SLIT3: variants seen among roughly 807,000 people sequenced by gnomAD.
The protein encoded by SLIT3 is slit guidance ligand 3.
SLIT3 carries 68 observed loss-of-function variants against 184.0 expected under a neutral mutation model. That is an observed-to-expected ratio of 0.37 (90% confidence interval 0.30 to 0.45). SLIT3 has a LOEUF of 0.45. SLIT3 is among the 20% of genes least tolerant of loss of function. The pLI is 1.00. For synonymous variants in SLIT3, 831 were observed against 828.6 expected, an observed-to-expected ratio of 1.00 and a Z score of -0.05; for missense variants, 1,707 against 2,026.0, an observed-to-expected ratio of 0.84 and a Z score of 3.02.
chr5:169,071,027 C>A lies in SLIT3; in HGVS notation c.413+122452G>T, dbSNP rs188847200. 3.9e-3 allele frequency among the ~76,000 whole-genome samples: 594 copies of A among 152,206 alleles called. 4 individuals are homozygous for A. Among genetic ancestry groups the A allele is most frequent in the African/African-American group, 0.014 (570 of 41,524 alleles). On this transcript the variant is annotated intron_variant, in intron 4 of 35. Transcript: ENST00000519560. ...GCTTCCCCACCTCCTAGCTGTGGGACCTTGGGCAGGTACTCAAACCTGCCT... is the reference window on the plus strand; with the variant it reads ...GCTTCCCCACCTCCTAGCTGTGGGAACTTGGGCAGGTACTCAAACCTGCCT...
chr5:168,988,780 C>CG lies in SLIT3; in HGVS notation c.414-105445_414-105444insC, dbSNP rs1755219245. 5.9e-5 allele frequency among the ~76,000 whole-genome samples: 9 copies of CG among 152,276 alleles called. No homozygotes were observed. In the South Asian group the frequency reaches 1.7e-3, roughly 28 times the overall value. On this transcript the variant is annotated intron_variant, in intron 4 of 35. Coordinates refer to ENST00000519560, the MANE Select transcript of SLIT3 (RefSeq NM_003062.4). ...AGGAGAATCAACTAGGAGACCCCCCCCCAGGGGCAGGCAGCACTAGAATTG... is the reference window on the plus strand; with the variant it reads ...AGGAGAATCAACTAGGAGACCCCCCCGCCAGGGGCAGGCAGCACTAGAATTG...
chr5:168,683,764 C>T (rs1761661779), intron 32 of SLIT3, among the ~76,000 whole-genome samples: 1 of 152,184 alleles, frequency 6.6e-6, no homozygotes, highest in East Asian at 1.9e-4. Flanking sequence ...GCCTGCCTTC[C>T]TCTGCCTCTT....
chr5:168,856,137 A>G (rs1030157529), intron 5 of SLIT3, among the ~76,000 whole-genome samples: 1 of 152,166 alleles, frequency 6.6e-6, no homozygotes, highest in East Asian at 1.9e-4. Flanking sequence ...AAAGAAATAG[A>G]TAAAAGTGAT....
intron 4 of SLIT3, among the ~76,000 whole-genome samples, chr5:168,984,725 A>G (rs921543574): frequency 6.6e-6 from 1 of 152,206 alleles, no homozygotes; most frequent in Admixed American, 6.5e-5. Flanking sequence ...TTAGAGGCAA[A>G]CAAATGTAAT....
At chr5:169,156,411 A>G (rs185663194) in intron 4 of SLIT3, among the ~76,000 whole-genome samples, 2 of 152,306 alleles carry the variant, frequency 1.3e-5, no homozygotes, top group East Asian at 1.9e-4. Flanking sequence ...CTCACCCCCA[A>G]TGGCTAATTT....
intron 4 of SLIT3, among the ~76,000 whole-genome samples, chr5:169,109,638 G>A (rs1760340822): frequency 6.6e-6 from 1 of 152,212 alleles, no homozygotes; most frequent in Non-Finnish European, 1.5e-5. Flanking sequence ...CTCTCTGGAA[G>A]AACAAAACTA....
intron 4 of SLIT3, among the ~76,000 whole-genome samples, chr5:169,022,433 G>C (rs1230813505): frequency 6.6e-6 from 1 of 152,200 alleles, no homozygotes; most frequent in Admixed American, 6.5e-5. Flanking sequence ...GGGATTATTT[G>C]CAAGTGCCTG....
rs60588036 is a variant in SLIT3, at chr5:168,972,337, A to ATGTGTGTGTG, written c.414-89011_414-89002dup. On this transcript the variant is annotated intron_variant, in intron 4 of 35. Transcript: ENST00000519560. ...TGTTGATGGCTAGCTGCAGGACAAC[A>ATGTGTGTGTG]TGTGTGTGTGTGTGTGTGTGTGTGT... Among the ~76,000 whole-genome samples the ATGTGTGTGTG allele has an allele frequency of 7.6e-3, 901 of 118,316 alleles. 32 individuals carry two copies. The highest frequency in any genetic ancestry group is 0.028 in the East Asian group (113 of 4,068). 77.6% of individuals were successfully genotyped at this position (118,316 alleles called of 152,430 possible).
At chr5:168,778,285 G>A (rs1183489233) in intron 12 of SLIT3, among the ~76,000 whole-genome samples, 1 of 152,228 alleles carries the variant, frequency 6.6e-6, no homozygotes, top group Non-Finnish European at 1.5e-5. Flanking sequence ...TCAGAGTGGT[G>A]ACGGACTCAA....
intron 3 of SLIT3, among the ~76,000 whole-genome samples, chr5:169,234,736 A>G (rs1765134377): frequency 2.0e-5 from 3 of 152,244 alleles, no homozygotes; most frequent in East Asian, 3.9e-4. Flanking sequence ...GACTCCTTAG[A>G]AAGTGTCCAT....
At chr5:169,047,413 C>A (rs1757661855) in intron 4 of SLIT3, among the ~76,000 whole-genome samples, 1 of 152,180 alleles carries the variant, frequency 6.6e-6, no homozygotes, top group Non-Finnish European at 1.5e-5. Flanking sequence ...TACCCGCTGT[C>A]CTAACACAGG....
intron 4 of SLIT3, among the ~76,000 whole-genome samples, chr5:168,891,094 A>G (rs546871866): frequency 4.6e-5 from 7 of 152,366 alleles, no homozygotes; most frequent in African/African-American, 1.7e-4. Context: ...TATGCAGTAT[A>G]TAATGCAAAT....
At chr5:169,165,303 C>G (rs956335376) in intron 4 of SLIT3, among the ~76,000 whole-genome samples, 1 of 152,148 alleles carries the variant, frequency 6.6e-6, no homozygotes, top group Non-Finnish European at 1.5e-5. Context: ...CTAGGCCAAC[C>G]TAAAAGAGAG....
chr5:168,731,553 C>A (rs1763290710), intron 20 of SLIT3, among the ~76,000 whole-genome samples: 1 of 151,314 alleles, frequency 6.6e-6, no homozygotes, highest in Non-Finnish European at 1.5e-5. Context: ...TAAAAATTCT[C>A]AAAAAAAATA....
intron 12 of SLIT3, among the ~76,000 whole-genome samples, chr5:168,776,677 C>T (rs1039167383): frequency 1.2e-4 from 18 of 152,246 alleles, no homozygotes; most frequent in South Asian, 2.1e-4. Flanking sequence ...CTGCAAATTC[C>T]GATGCTTTGT....
intron 32 of SLIT3, among the ~76,000 whole-genome samples, chr5:168,680,580 A>G (rs1007237053): frequency 1.3e-5 from 2 of 152,232 alleles, no homozygotes; most frequent in African/African-American, 4.8e-5. Context: ...CCCTGAGGCC[A>G]AGGTGGCCTT....
Position 169,251,463 on chromosome 5 carries a change from C to A in SLIT3, c.198-4G>T. ...GATATTATTTCTGTCCAGGTCACTG[C>A]AATGGAGAGCAAATTCAGGTCAGAT... On this transcript the variant is annotated splice_polypyrimidine_tract_variant and splice_region_variant and intron_variant, in intron 1 of 35. Coordinates refer to ENST00000519560, the MANE Select transcript of SLIT3 (RefSeq NM_003062.4). 1 of 1,604,952 alleles carries A rather than the reference C, an allele frequency of 6.2e-7. No individual in the cohort carries two copies. The highest frequency in any genetic ancestry group is 1.1e-5 in the South Asian group (1 of 90,892).
intron 4 of SLIT3, among the ~76,000 whole-genome samples, chr5:169,009,285 C>T (rs1224522477): frequency 2.0e-5 from 3 of 152,196 alleles, no homozygotes; most frequent in Non-Finnish European, 4.4e-5. Flanking sequence ...TTCTCAGATC[C>T]CACATAGCTG....
At chr5:169,249,264 G>C (rs535510594) in intron 2 of SLIT3, among the ~76,000 whole-genome samples, 39 of 152,214 alleles carry the variant, frequency 2.6e-4, no homozygotes, top group African/African-American at 7.5e-4. Flanking sequence ...TGATAAGGAA[G>C]ATAATGAAAC....
Sources: gnomAD v4.1 joint callset for allele counts (sites outside exome capture counted in the v4.1 genomes callset) on GRCh38, gnomAD v4.1.1 for gene constraint, MANE v1.5 for transcripts, NCBI Gene and HGNC (gene_info 2026-07-23, HGNC 2026-07-21) for gene names.